The following PCNT variants were observed in gnomAD, a reference collection of about 807,000 sequenced individuals.
PCNT encodes pericentrin, also known as kendrin.
PCNT carries 319 observed loss-of-function variants against 380.4 expected under a neutral mutation model. The observed-to-expected ratio is 0.84, with a 90% confidence interval of 0.77 to 0.92. The LOEUF (loss-of-function observed/expected upper bound fraction) is 0.92, where lower values mean the gene tolerates loss of function less well. PCNT is among the 40% of genes least tolerant of loss of function. PCNT has a pLI of 0.00. For missense variants in PCNT, 4,400 were observed against 4,255.3 expected (o/e 1.03, Z -0.95); for synonymous variants, 1,845 against 1,735.2 (o/e 1.06, Z -1.57).
intron 12 of PCNT, among the ~76,000 whole-genome samples, chr21:46,356,086 C>G (rs546079727): frequency 6.6e-6 from 1 of 152,200 alleles, no homozygotes. Flanking sequence ...CAGAAGGTGA[C>G]GGAGAGGAAA....
At chr21:46,434,666 T>C (rs1229254868) in intron 38 of PCNT, among the ~76,000 whole-genome samples, 1 of 152,224 alleles carries the variant, frequency 6.6e-6, no homozygotes, top group Non-Finnish European at 1.5e-5. Context: ...GCACCAGACA[T>C]GGCCTGTGCC....
rs1428657608 is a variant in PCNT at position 46,382,290 on chromosome 21, T to C, written c.3312+450T>C. The stretch of plus-strand genomic sequence containing the variant: ...GCATTCAGTGGTGGAAGCGCATTCA[T>C]GGTGTTGTGCATTCAGTGGTGGAAG... On this transcript the variant is annotated intron_variant, in intron 16 of 46. Transcript: ENST00000359568. Among the ~76,000 whole-genome samples the C allele has an allele frequency of 7.7e-4, 100 of 129,990 alleles. 9 individuals carry two copies. The highest frequency in any genetic ancestry group is 9.5e-3 in the Middle Eastern group (2 of 210). 85.3% of individuals were successfully genotyped at this position (129,990 alleles called of 152,430 possible).
rs1016587396 is a variant in PCNT at position 46,398,038 on chromosome 21, G to A, written c.4471G>A (p.Glu1491Lys). The A allele has an allele frequency of 7.5e-6, 12 of 1,591,310 alleles. No homozygotes were observed. The highest frequency in any genetic ancestry group is 2.3e-5 in the East Asian group (1 of 43,880). Reference sequence around the variant, plus strand: ...GGAGCAGGCAGCCGAGCGGGAGCACGAGCGCGAGGAGTTCCAGCAGGAGAT... The same window carrying A: ...GGAGCAGGCAGCCGAGCGGGAGCACAAGCGCGAGGAGTTCCAGCAGGAGAT... ...MDEQAAEREH[E>K]REEFQQEIQR... The change falls in exon 23 of 47, where the codon GAG becomes AAG. Residue 1491 changes from glutamate to lysine, a missense_variant. By Grantham distance (56) the Glu-to-Lys change is moderately conservative. Coordinates refer to ENST00000359568, the MANE Select transcript of PCNT (RefSeq NM_006031.6).
chr21:46,380,065 C>T (rs1021505091), intron 15 of PCNT, among the ~76,000 whole-genome samples: 1 of 151,246 alleles, frequency 6.6e-6, no homozygotes, highest in Non-Finnish European at 1.5e-5. Flanking sequence ...CCTTATTAGT[C>T]CCAACTGGTT....
intron 28 of PCNT, 61 bp downstream of exon 28, chr21:46,412,128 T>A: frequency 6.4e-7 from 1 of 1,554,244 alleles, no homozygotes; most frequent in African/African-American, 1.4e-5. Flanking sequence ...TCTCCTTTGA[T>A]GTCAATGACT....
chr21:46,381,759 T>C lies in PCNT; in HGVS notation c.3231T>C (p.Ser1077=). The change falls in exon 16 of 47, where the codon AGT becomes AGC. Residue 1077 remains serine (S), a synonymous_variant. Transcript: ENST00000359568. ...AAGAGGAGACACTTCGGCTTCAGAG[T>C]GCACAGGCACAGCCTTTTCACCAAG... ...HEKEETLRLQ[S]AQAQPFHQEE... is the part of the protein sequence containing the mutation. 2 of 1,614,188 alleles carry C rather than the reference T, an allele frequency of 1.2e-6. No homozygotes were observed. The highest frequency in any genetic ancestry group is 1.1e-5 in the South Asian group (1 of 91,086).
chr21:46,373,949 C>T lies in PCNT; in HGVS notation c.3165+6810C>T, dbSNP rs181799739. ...TTCACCATGTTGGCCAGGCTGGTCTCGAACTCCTGACCTTGTGATCTGTCC... is the reference window on the plus strand; with the variant it reads ...TTCACCATGTTGGCCAGGCTGGTCTTGAACTCCTGACCTTGTGATCTGTCC... On this transcript the variant is annotated intron_variant, in intron 15 of 46. Transcript: ENST00000359568. Among the ~76,000 whole-genome samples, 414 of 152,038 alleles carry T rather than the reference C, an allele frequency of 2.7e-3. 2 individuals are homozygous for T. Among genetic ancestry groups the T allele is most frequent in the African/African-American group, 9.5e-3 (396 of 41,472 alleles).
rs531022245 is a variant in PCNT at position 46,354,038 on chromosome 21, C to T, written c.1731C>T (p.His577=). The change falls in exon 11 of 47, where the codon CAC becomes CAT. Residue 577 remains histidine, a synonymous_variant. Transcript: ENST00000359568. ...EEKPEKGRKD[H]VDELEPERHK... Reference sequence around the variant, plus strand: ...AACCTGAGAAAGGAAGAAAAGATCACGTTGATGAACTCGAGCCTGAGCGAC... The same window carrying T: ...AACCTGAGAAAGGAAGAAAAGATCATGTTGATGAACTCGAGCCTGAGCGAC... The T allele has an allele frequency of 1.9e-5, 30 of 1,614,068 alleles. No individual in the cohort carries two copies. The highest frequency in any genetic ancestry group is 1.2e-4 in the African/African-American group (9 of 75,024).
chr21:46,346,988 A>G lies in PCNT; in HGVS notation c.966A>G (p.Gly322=). The change falls in exon 5 of 47, where the codon GGA becomes GGG. Residue 322 remains glycine, a synonymous_variant. Transcript: ENST00000359568. ...REKEEVVLRC[G]QEAAELKEKL... is the part of the protein sequence containing the mutation. ...AGGAGGAGGTGGTGCTCAGGTGTGG[A>G]CAGGAAGCAGGTACTGCATGGCTAG... The G allele has an allele frequency of 6.3e-7, 1 of 1,595,656 alleles. No individual in the cohort carries two copies. The highest frequency in any genetic ancestry group is 8.5e-7 in the Non-Finnish European group (1 of 1,173,666).
intron 4 of PCNT, 22 bp from the exon 5 acceptor site, chr21:46,346,721 A>G (rs745497493): frequency 7.6e-6 from 12 of 1,587,742 alleles, no homozygotes; most frequent in African/African-American, 6.7e-5. Context: ...GGCCCTTATC[A>G]GAGGCCTTTT....
At chr21:46,377,055 C>A (rs1248000343) in intron 15 of PCNT, among the ~76,000 whole-genome samples, 6 of 149,954 alleles carry the variant, frequency 4.0e-5, no homozygotes, top group African/African-American at 1.5e-4. Context: ...GCACCCGATC[C>A]TTTATCCTTT....
Position 46,425,057 on chromosome 21 carries a change from C to T in PCNT, c.7180-774C>T, listed in dbSNP as rs2087436554. ...TTGGACTTTATTAGATTATTTTTCTCTTCAGGTTTTTATGCAGACGTGTCC... is the reference window on the plus strand; with the variant it reads ...TTGGACTTTATTAGATTATTTTTCTTTTCAGGTTTTTATGCAGACGTGTCC... On this transcript the variant is annotated intron_variant, in intron 32 of 46. Transcript: ENST00000359568. The surrounding 1 kb of genome is among the most constrained non-coding windows in gnomAD (Gnocchi z 4.2). Among the ~76,000 whole-genome samples, 1 of 152,098 alleles carries T rather than the reference C, an allele frequency of 6.6e-6. No homozygotes were observed. Among genetic ancestry groups the T allele is most frequent in the South Asian group, 2.1e-4 (1 of 4,822 alleles).
intron 35 of PCNT, 72 bp downstream of exon 35, chr21:46,428,662 C>A: frequency 7.4e-7 from 1 of 1,346,786 alleles, no homozygotes; most frequent in Non-Finnish European, 1.0e-6. Context: ...CCTGTGTGGC[C>A]TTGGGAGCAG....
rs552100274 is a variant in PCNT, at chr21:46,440,020, G to A, written c.9274-63G>A. On this transcript the variant is annotated intron_variant, in intron 41 of 46. Transcript: ENST00000359568. ...TTCTCCCTCACCTGCCCCCGGCTGC[G>A]TCTCTAAGATGCTCTTGTTGACGAG... The A allele has an allele frequency of 2.5e-4, 402 of 1,601,436 alleles. 3 individuals carry two copies. In the African/African-American group the frequency reaches 4.8e-3, roughly 19 times the overall value.
At chr21:46,368,964 G>A (rs955552733) in intron 15 of PCNT, among the ~76,000 whole-genome samples, 4 of 152,260 alleles carry the variant, frequency 2.6e-5, no homozygotes, top group Non-Finnish European at 5.9e-5. Context: ...AGGCTCCAAA[G>A]CGTTGGCTTA....
chr21:46,435,841 CG>C (rs2053425502), intron 38 of PCNT, 62 bp from the exon 39 acceptor site: 2 of 1,607,332 alleles, frequency 1.2e-6, no homozygotes, highest in Non-Finnish European at 1.7e-6. Context: ...CGCGCCCGGC[CG>C]GCAGTTTTGT....
Position 46,436,118 on chromosome 21 carries a change from T to A in PCNT, c.8966T>A (p.Leu2989His). 6.2e-7 allele frequency: 1 copy of A among 1,609,328 alleles called. No individual in the cohort carries two copies. The highest frequency in any genetic ancestry group is 8.5e-7 in the Non-Finnish European group (1 of 1,179,790). Reference protein sequence around the residue: ...RQRLLSAARLLTSFTSQAVDR... With the variant: ...RQRLLSAARLHTSFTSQAVDR... The stretch of plus-strand genomic sequence containing the variant: ...CGGCTGCTCTCTGCCGCCCGGCTTC[T>A]CACCAGCTTCACCAGCCAGGCCGTG... The change falls in exon 39 of 47, where the codon CTC (leucine) becomes CAC (histidine). Residue 2989 changes from leucine (L) to histidine (H), a missense_variant. Leu to His is a moderately conservative substitution (Grantham distance 99). Coordinates refer to ENST00000359568, the MANE Select transcript of PCNT (RefSeq NM_006031.6).
chr21:46,432,368 T>C (rs1177609533), intron 38 of PCNT, among the ~76,000 whole-genome samples, 153 bp downstream of exon 38: 1 of 152,270 alleles, frequency 6.6e-6, no homozygotes, highest in Non-Finnish European at 1.5e-5. Flanking sequence ...ACACTGCTGT[T>C]ACTGTAGCTT....
At chr21:46,403,430 C>T (rs1222383206) in intron 27 of PCNT, among the ~76,000 whole-genome samples, 2 of 121,688 alleles carry the variant, frequency 1.6e-5, no homozygotes, top group South Asian at 2.8e-4. Context: ...ATGAACACAG[C>T]GTGGGAGAAT....
Sources: allele counts gnomAD v4.1 joint callset (sites outside exome capture counted in the v4.1 genomes callset), GRCh38; gene constraint gnomAD v4.1.1; non-coding constraint Gnocchi (gnomAD v3.1); transcripts MANE v1.5; gene names NCBI Gene and HGNC (gene_info 2026-07-23, HGNC 2026-07-21).